Variants in CIT observed in about 807,000 individuals in gnomAD.
The protein encoded by CIT is citron Rho-interacting kinase.
In CIT, 79 loss-of-function variants were observed where a neutral mutation model predicts 272.7. That is an observed-to-expected ratio of 0.29 (90% CI 0.24 to 0.35). The LOEUF is 0.35. CIT is among the 10% of genes least tolerant of loss of function. The pLI, the probability that CIT is intolerant of heterozygous loss-of-function variation, is 1.00. For missense variants in CIT, 1,909 were observed against 2,618.3 expected (o/e 0.73, Z 5.91); for synonymous variants, 948 against 995.6 (o/e 0.95, Z 0.90).
At chr12:119,848,706 A>G (rs550758886) in intron 5 of CIT, among the ~76,000 whole-genome samples, 1 of 152,218 alleles carries the variant, frequency 6.6e-6, no homozygotes, top group African/African-American at 2.4e-5. Context: ...TTATAAAGTA[A>G]ACTATACACA....
At chr12:119,763,882 G>C (rs1340543993) in intron 19 of CIT, among the ~76,000 whole-genome samples, 2 of 152,190 alleles carry the variant, frequency 1.3e-5, no homozygotes, top group African/African-American at 4.8e-5. Flanking sequence ...AGCATAGTGG[G>C]CTACATGTCA....
At chr12:119,824,899 T>C (rs912390047) in intron 8 of CIT, among the ~76,000 whole-genome samples, 1 of 152,048 alleles carries the variant, frequency 6.6e-6, no homozygotes, top group African/African-American at 2.4e-5. Flanking sequence ...CCCGGGTTCA[T>C]GCCATTCTCC....
chr12:119,758,549 C>A (rs769621888), intron 21 of CIT, 42 bp downstream of exon 21: 1 of 1,301,166 alleles, frequency 7.7e-7, no homozygotes, highest in Non-Finnish European at 1.1e-6. Context: ...GAGAGGAGAC[C>A]AAAGTGTAAT....
rs1449818367 is a variant in CIT, at chr12:119,710,656, A to T, written c.4855-36T>A. On this transcript the variant is annotated intron_variant, in intron 37 of 47. Transcript: ENST00000392521. This position sits in a 1 kb window ranked among gnomAD's most constrained non-coding sequence, Gnocchi z 5.6. The stretch of plus-strand genomic sequence containing the variant: ...GTGAAAGAAAAGAAAAACAGAAGAC[A>T]TCGTGAGGCTGATCTGTTTATGACC... The T allele has an allele frequency of 6.3e-7, 1 of 1,576,586 alleles. No individual in the cohort carries two copies. Among genetic ancestry groups the T allele is most frequent in the Admixed American group, 1.7e-5 (1 of 59,964 alleles).
intron 22 of CIT, among the ~76,000 whole-genome samples, chr12:119,755,022 C>T: frequency 6.6e-6 from 1 of 152,148 alleles, no homozygotes. Context: ...GTTAAACTTA[C>T]AGAAGAGTGA....
chr12:119,812,745 AT>A (rs11315906), intron 9 of CIT, among the ~76,000 whole-genome samples: 88,663 of 128,116 alleles, frequency 0.69, 30,075 homozygotes, highest in East Asian at 0.94. Context: ...TTTATTCTTA[AT>A]TTTTTTTTTT....
chr12:119,861,992 G>T (rs565211812), intron 3 of CIT, among the ~76,000 whole-genome samples: 40 of 151,980 alleles, frequency 2.6e-4, no homozygotes, highest in African/African-American at 2.7e-4. Context: ...TTGGTTAGTT[G>T]GTTTGTTTGT....
intron 3 of CIT, among the ~76,000 whole-genome samples, chr12:119,858,325 T>C (rs1417811092): frequency 6.6e-6 from 1 of 152,094 alleles, no homozygotes; most frequent in Admixed American, 6.6e-5. Flanking sequence ...GAGACCAGCC[T>C]GGCCAACATG....
At chr12:119,786,312 G>A (rs1964792387) in intron 10 of CIT, among the ~76,000 whole-genome samples, 2 of 152,170 alleles carry the variant, frequency 1.3e-5, no homozygotes, top group South Asian at 4.1e-4. Flanking sequence ...CCTCCTGAGA[G>A]TGGACCAAAA....
At chr12:119,805,076 C>CAAA (rs33978151) in intron 9 of CIT, among the ~76,000 whole-genome samples, 3 of 150,044 alleles carry the variant, frequency 2.0e-5, no homozygotes, top group Non-Finnish European at 3.0e-5. Context: ...TTTTTAATAG[C>CAAA]AAAAAAAAAA....
At chr12:119,826,598 T>C (rs946704040) in intron 7 of CIT, among the ~76,000 whole-genome samples, 5 of 152,350 alleles carry the variant, frequency 3.3e-5, no homozygotes, top group African/African-American at 1.2e-4. Flanking sequence ...ATTTGAAGTC[T>C]AAAGATTCCT....
At chr12:119,836,151 G>T (rs1459313305) in intron 5 of CIT, among the ~76,000 whole-genome samples, 2 of 151,680 alleles carry the variant, frequency 1.3e-5, no homozygotes, top group South Asian at 2.1e-4. Flanking sequence ...GCTGGGCATG[G>T]TGGTGCATGC....
rs951992699 is a variant in CIT at position 119,857,710 on chromosome 12, G to A, written c.239-12C>T. 13 of 1,609,322 alleles carry A rather than the reference G, an allele frequency of 8.1e-6. No individual in the cohort carries two copies. The highest frequency in any genetic ancestry group is 1.3e-5 in the African/African-American group (1 of 74,802). ...TATGGTGTCGGAATCTGCAAAAGAT[G>A]CAAGAGTTAGCCCCAGGTAAATAAA... is the stretch of plus-strand genomic sequence containing the variant. On this transcript the variant is annotated splice_polypyrimidine_tract_variant and intron_variant, in intron 3 of 47. Coordinates refer to ENST00000392521, the MANE Select transcript of CIT (RefSeq NM_001206999.2).
intron 24 of CIT, among the ~76,000 whole-genome samples, chr12:119,740,496 C>T (rs147131688): frequency 4.5e-4 from 69 of 151,986 alleles, no homozygotes; most frequent in African/African-American, 1.1e-3. Context: ...CATTTTAAAA[C>T]GCATCAGATT....
chr12:119,821,868 GA>G (rs1967752768), intron 9 of CIT, among the ~76,000 whole-genome samples: 1 of 152,162 alleles, frequency 6.6e-6, no homozygotes, highest in Non-Finnish European at 1.5e-5. Context: ...AAGATTTATG[GA>G]AATGCGACCT....
chr12:119,820,679 T>A (rs1446467910), intron 9 of CIT, among the ~76,000 whole-genome samples: 1 of 152,212 alleles, frequency 6.6e-6, no homozygotes, highest in Non-Finnish European at 1.5e-5. Flanking sequence ...AAAAGATTTA[T>A]TAAAATTAGG....
In CIT at chr12:119,850,206, AC is replaced by A; in HGVS notation, c.483del (p.Gln161HisfsTer26). On this transcript the variant is annotated frameshift_variant, in exon 5 of 48. Transcript: ENST00000392521. LOFTEE classifies it high-confidence loss of function. ...RSTSPWIPQLQYAFQDKNHLY... is the reference protein window; with the variant it reads ...RSTSPWIPQLXYAFQDKNHLY... Reference sequence around the variant, plus strand: ...AGGTGATTTTTGTCCTGAAAGGCATACTGTAATTGGGGGATCCACGGGCTTG... The same window carrying A: ...AGGTGATTTTTGTCCTGAAAGGCATATGTAATTGGGGGATCCACGGGCTTG... 1.2e-6 allele frequency: 2 copies of A among 1,613,178 alleles called. No individual in the cohort carries two copies. Among genetic ancestry groups the A allele is most frequent in the Non-Finnish European group, 1.7e-6 (2 of 1,179,256 alleles).
chr12:119,790,281 T>C (rs534461024), intron 10 of CIT, among the ~76,000 whole-genome samples: 9 of 152,192 alleles, frequency 5.9e-5, no homozygotes, highest in African/African-American at 2.2e-4. Flanking sequence ...TGGTCTCAAA[T>C]TATCCCGAAA....
intron 2 of CIT, among the ~76,000 whole-genome samples, chr12:119,874,885 C>CAA (rs199568006): frequency 8.1e-5 from 6 of 74,364 alleles, no homozygotes; most frequent in Non-Finnish European, 8.8e-5. Context: ...GACTCTGTCT[C>CAA]AAAAAAAAAA....
Sources: gnomAD v4.1 joint callset for allele counts (sites outside exome capture counted in the v4.1 genomes callset) on GRCh38, gnomAD v4.1.1 for gene constraint, Gnocchi (gnomAD v3.1) non-coding constraint, MANE v1.5 for transcripts, NCBI Gene and HGNC (gene_info 2026-07-23, HGNC 2026-07-21) for gene names.